The following SMARCC1 variants were observed in gnomAD, a reference collection of about 807,000 sequenced individuals.
SMARCC1 encodes SWI/SNF related BAF chromatin remodeling complex subunit C1, also known as SWI/SNF complex subunit SMARCC1.
In SMARCC1, 43 loss-of-function variants were observed where a neutral mutation model predicts 147.4. The ratio of observed to expected loss-of-function variants is 0.29; its 90% CI spans 0.23 to 0.38. The LOEUF (loss-of-function observed/expected upper bound fraction) is 0.38, where lower values mean the gene tolerates loss of function less well. Among genes scored for constraint, SMARCC1 ranks in the 10% least tolerant of loss-of-function variants. The pLI, the probability that SMARCC1 is intolerant of heterozygous loss-of-function variation, is 1.00. For synonymous variants in SMARCC1, 495 were observed against 484.4 expected (o/e 1.02, Z -0.29); for missense variants, 1,119 against 1,381.1 (o/e 0.81, Z 3.01).
chr3:47,727,651 T>C (rs1033520259), intron 6 of SMARCC1, among the ~76,000 whole-genome samples: 5 of 152,094 alleles, frequency 3.3e-5, no homozygotes, highest in Admixed American at 1.3e-4. Context: ...GTTTTGCTCT[T>C]CTTGCCCGGG....
chr3:47,649,021 C>G (rs1482291063), intron 21 of SMARCC1, among the ~76,000 whole-genome samples: 1 of 152,188 alleles, frequency 6.6e-6, no homozygotes, highest in African/African-American at 2.4e-5. Flanking sequence ...TCAGGAAAGT[C>G]ACGTAAACCC....
At position 47,752,928 on chromosome 3, in the gene SMARCC1, A is replaced by G. The variant is rs577881320; in HGVS notation, c.316-6935T>C. On this transcript the variant is annotated intron_variant, in intron 2 of 27. Transcript: ENST00000254480. ...ACTGTGTGACCCAATTGCTTTTAATAAACAATTCTATCCCTGGCTGACTCT... is the reference window on the plus strand; with the variant it reads ...ACTGTGTGACCCAATTGCTTTTAATGAACAATTCTATCCCTGGCTGACTCT... Among the ~76,000 whole-genome samples the G allele has an allele frequency of 2.2e-4, 33 of 152,280 alleles. No homozygotes were observed. In the South Asian group the frequency reaches 6.0e-3, roughly 28 times the overall value.
At chr3:47,770,270 G>A (rs541311050) in intron 2 of SMARCC1, among the ~76,000 whole-genome samples, 104 of 151,874 alleles carry the variant, frequency 6.8e-4, no homozygotes, top group African/African-American at 2.3e-3. Context: ...ACTCATACCA[G>A]TAATCCCAGG....
At chr3:47,630,121 G>C (rs900798687) in intron 24 of SMARCC1, among the ~76,000 whole-genome samples, 3 of 126,104 alleles carry the variant, frequency 2.4e-5, no homozygotes, top group African/African-American at 9.0e-5. Context: ...GCAGGCACCA[G>C]TTTCACGGAA....
At chr3:47,642,071 T>C (rs1269113182) in intron 21 of SMARCC1, among the ~76,000 whole-genome samples, 1 of 152,072 alleles carries the variant, frequency 6.6e-6, no homozygotes, top group Non-Finnish European at 1.5e-5. Flanking sequence ...ATCGCATCCA[T>C]CCCTGAAACA....
chr3:47,714,379 A>G (rs767893479), intron 8 of SMARCC1, 36 bp downstream of exon 8: 2 of 1,310,852 alleles, frequency 1.5e-6, no homozygotes, highest in South Asian at 1.2e-5. Context: ...AATTTTAAAA[A>G]GATTATTGTA....
intron 2 of SMARCC1, among the ~76,000 whole-genome samples, chr3:47,749,670 A>AACACACACACACACACACAC (rs1328820771): frequency 0.017 from 1,616 of 92,464 alleles, 48 homozygotes; most frequent in Middle Eastern, 0.059. Flanking sequence ...CTCTAAATTA[A>AACACACACACACACACACAC]ACACACACAC....
At chr3:47,654,608 G>C (rs1463297378) in intron 21 of SMARCC1, among the ~76,000 whole-genome samples, 1 of 152,196 alleles carries the variant, frequency 6.6e-6, no homozygotes, top group Non-Finnish European at 1.5e-5. Context: ...CAGTTCCACA[G>C]ACTTAGAAGT....
At chr3:47,678,696 T>A (rs142303733) in intron 15 of SMARCC1, among the ~76,000 whole-genome samples, 1 of 152,228 alleles carries the variant, frequency 6.6e-6, no homozygotes, top group Non-Finnish European at 1.5e-5. Flanking sequence ...TGTCTGACAA[T>A]TGAATCCTCA....
At chr3:47,693,194 ATT>A (rs764320780) in intron 12 of SMARCC1, 45 bp downstream of exon 12, 1 of 1,088,384 alleles carries the variant, frequency 9.2e-7, no homozygotes, top group South Asian at 1.3e-5. Context: ...GAGATGACAT[ATT>A]CAAGACAGAA....
At chr3:47,641,780 T>TTA (rs1194169599) in intron 21 of SMARCC1, among the ~76,000 whole-genome samples, 2 of 152,196 alleles carry the variant, frequency 1.3e-5, no homozygotes, top group Admixed American at 6.6e-5. Context: ...AAATTACTTT[T>TTA]ATGTACATTT....
At chr3:47,776,569 C>T (rs1478429156) in intron 1 of SMARCC1, among the ~76,000 whole-genome samples, 1 of 152,172 alleles carries the variant, frequency 6.6e-6, no homozygotes, top group East Asian at 1.9e-4. Flanking sequence ...GTGCCACGCA[C>T]TCCAGCCTGG....
intron 1 of SMARCC1, 88 bp from the exon 2 acceptor site, chr3:47,773,024 AC>A (rs756433591): frequency 8.5e-7 from 1 of 1,177,040 alleles, no homozygotes; most frequent in Non-Finnish European, 1.2e-6. Flanking sequence ...CTAAGTACTT[AC>A]GTTATGGGAA....
At chr3:47,648,554 G>GT (rs1237807111) in intron 21 of SMARCC1, among the ~76,000 whole-genome samples, 1 of 151,550 alleles carries the variant, frequency 6.6e-6, no homozygotes, top group Non-Finnish European at 1.5e-5. Flanking sequence ...ATCTGGCTAG[G>GT]TTTTTTTTCT....
intron 7 of SMARCC1, among the ~76,000 whole-genome samples, chr3:47,714,749 A>C (rs2106802805): frequency 6.6e-6 from 1 of 152,256 alleles, no homozygotes; most frequent in Non-Finnish European, 1.5e-5. Flanking sequence ...AACTGAGATC[A>C]CACCACTGCA....
intron 5 of SMARCC1, among the ~76,000 whole-genome samples, chr3:47,729,976 C>A (rs948093289): frequency 1.3e-5 from 2 of 151,938 alleles, no homozygotes; most frequent in African/African-American, 4.8e-5. Context: ...GTCAGGAGTT[C>A]GAGACCAGCG....
chr3:47,644,023 T>TA (rs912974793), intron 21 of SMARCC1, among the ~76,000 whole-genome samples: 60 of 151,940 alleles, frequency 3.9e-4, no homozygotes, highest in African/African-American at 1.1e-3. Flanking sequence ...TCCATATCTA[T>TA]AAAAAAATTA....
intron 21 of SMARCC1, among the ~76,000 whole-genome samples, chr3:47,654,339 A>G (rs956038827): frequency 6.6e-5 from 10 of 152,248 alleles, no homozygotes; most frequent in Non-Finnish European, 1.0e-4. Flanking sequence ...ATCAACATAG[A>G]AGAACAGAGA....
chr3:47,765,517 C>A (rs1041696615), intron 2 of SMARCC1, among the ~76,000 whole-genome samples: 2 of 151,564 alleles, frequency 1.3e-5, no homozygotes, highest in African/African-American at 4.9e-5. Context: ...ATTTCCTACA[C>A]TATTTTGCTT....
Sources: allele counts gnomAD v4.1 joint callset (sites outside exome capture counted in the v4.1 genomes callset), GRCh38; gene constraint gnomAD v4.1.1; transcripts MANE v1.5; gene names NCBI Gene and HGNC (gene_info 2026-07-23, HGNC 2026-07-21).